The following PLSCR5 variants were observed in gnomAD, a reference collection of about 807,000 sequenced individuals.
The protein encoded by PLSCR5 is phospholipid scramblase family, member 5.
A neutral mutation model predicts 33.6 loss-of-function variants in PLSCR5; 44 were observed. The observed-to-expected ratio is 1.31, with a 90% confidence interval of 1.03 to 1.69. PLSCR5 has a LOEUF of 1.69. Among genes scored for constraint, PLSCR5 ranks in the 40% most tolerant of loss-of-function variants. The pLI is 0.00. For missense variants in PLSCR5, 375 were observed against 318.7 expected (o/e 1.18, Z -1.34); for synonymous variants, 148 against 112.3 (o/e 1.32, Z -2.01).
downstream of PLSCR5, among the ~76,000 whole-genome samples, chr3:146,583,272 A>T (rs1393042044): frequency 1.3e-5 from 2 of 152,320 alleles, no homozygotes; most frequent in Non-Finnish European, 1.5e-5. Flanking sequence ...CCACTGTAAG[A>T]GAAGGGTCTA....
intron 2 of PLSCR5, among the ~76,000 whole-genome samples, chr3:146,600,010 G>T (rs1048897603): frequency 1.3e-5 from 2 of 151,982 alleles, no homozygotes; most frequent in Non-Finnish European, 2.9e-5. Flanking sequence ...CTTGAACAAT[G>T]AACAAGTGGA....
At chr3:146,582,237 C>A (rs2044637049), downstream of PLSCR5, among the ~76,000 whole-genome samples, 1 of 152,212 alleles carries the variant, frequency 6.6e-6, no homozygotes, top group South Asian at 2.1e-4. Flanking sequence ...AATAAGGGAA[C>A]TTGCATAGGA....
At chr3:146,582,240 G>T (rs928097032), downstream of PLSCR5, among the ~76,000 whole-genome samples, 11 of 152,320 alleles carry the variant, frequency 7.2e-5, no homozygotes, top group East Asian at 2.1e-3. Flanking sequence ...AAGGGAACTT[G>T]CATAGGAGGG....
rs2044705963 is a variant in PLSCR5 at position 146,590,662 on chromosome 3, G to A, written c.616-848C>T. Among the ~76,000 whole-genome samples the A allele has an allele frequency of 2.0e-5, 3 of 152,174 alleles. No individual in the cohort carries two copies. The South Asian group carries it at 6.2e-4, about 32-fold the overall frequency. On this transcript the variant is annotated intron_variant, in intron 5 of 7. Transcript: ENST00000443512. The stretch of plus-strand genomic sequence containing the variant: ...ATAGCATGAATGCTAAAACTCTTAT[G>A]TTTAAAGTCCTCCTCAATCATATTA...
rs2044717421 is a variant in PLSCR5 at position 146,591,756 on chromosome 3, A to T, written c.579T>A (p.Cys193Ter). The T allele has an allele frequency of 5.6e-6, 9 of 1,611,840 alleles. No homozygotes were observed. The highest frequency in any genetic ancestry group is 7.6e-6 in the Non-Finnish European group (9 of 1,178,758). The change falls in exon 5 of 8, where the codon TGT becomes TGA. Residue 193 changes from cysteine to a stop codon, truncating the protein, a stop_gained. Transcript: ENST00000443512. LOFTEE classifies it high-confidence loss of function. ...CATCGCCAAAACAGCCACATGTCAC[A>T]CAAGGACCAACAATTTTCAAAATAT... Reference protein sequence around the residue: ...KEDILKIVGPCVTCGCFGDVD... With the variant: ...KEDILKIVGP
At chr3:146,589,624 T>A (rs1240085325) in intron 6 of PLSCR5, 29 bp downstream of exon 6, 12 of 1,492,416 alleles carry the variant, frequency 8.0e-6, no homozygotes, top group Middle Eastern at 1.8e-4. Flanking sequence ...GAATAACAAA[T>A]CACTCATGCT....
At chr3:146,588,641 T>C (rs1225179016) in intron 6 of PLSCR5, among the ~76,000 whole-genome samples, 3 of 152,120 alleles carry the variant, frequency 2.0e-5, no homozygotes, top group Non-Finnish European at 2.9e-5. Flanking sequence ...ATGGACATAC[T>C]TCATGATCTT....
rs200074355 is a variant in PLSCR5, at chr3:146,589,799, C to G, written c.631G>C (p.Glu211Gln). 6.7e-5 allele frequency: 103 copies of G among 1,543,922 alleles called. No individual in the cohort carries two copies. The highest frequency in any genetic ancestry group is 8.0e-5 in the Non-Finnish European group (90 of 1,131,984). The part of the protein sequence containing the change: ...DVDFEVKTIN[E>Q]KLTIGKISKY... Reference sequence around the variant, plus strand: ...GAAATCTTCCCAATTGTAAGCTTTTCATTAATGGTTTTCACCTTTAGAAAG... The same window carrying G: ...GAAATCTTCCCAATTGTAAGCTTTTGATTAATGGTTTTCACCTTTAGAAAG... The change falls in exon 6 of 8, where the codon GAA (glutamate) becomes CAA (glutamine). Residue 211 changes from glutamate (E) to glutamine (Q), a missense_variant. Glu to Gln is a conservative substitution (Grantham distance 29, BLOSUM62 2). Coordinates refer to ENST00000443512, the MANE Select transcript of PLSCR5 (RefSeq NM_001085420.2).
downstream of PLSCR5, among the ~76,000 whole-genome samples, chr3:146,583,445 A>G (rs1183006830): frequency 1.3e-5 from 2 of 152,208 alleles, no homozygotes; most frequent in Non-Finnish European, 2.9e-5. Context: ...GACAAGAGGC[A>G]GTAGTGCACT....
At chr3:146,584,301 A>G (rs1370282188), downstream of PLSCR5, among the ~76,000 whole-genome samples, 2 of 152,176 alleles carry the variant, frequency 1.3e-5, no homozygotes, top group Non-Finnish European at 2.9e-5. Flanking sequence ...TCATCACCAG[A>G]GTTCTTCAAG....
chr3:146,600,523 C>A, intron 1 of PLSCR5, 60 bp from the exon 2 acceptor site: 1 of 1,393,014 alleles, frequency 7.2e-7, no homozygotes, highest in Admixed American at 2.5e-5. Context: ...TTTAGTCCTT[C>A]TTAAAGTATT....
intron 6 of PLSCR5, among the ~76,000 whole-genome samples, chr3:146,587,609 A>C (rs1011091551): frequency 6.6e-6 from 1 of 152,082 alleles, no homozygotes; most frequent in Admixed American, 6.6e-5. Context: ...AAGGGTGACA[A>C]GTTAAAAGCA....
At chr3:146,590,997 G>GTTTTT (rs371124404) in intron 5 of PLSCR5, among the ~76,000 whole-genome samples, 6 of 141,898 alleles carry the variant, frequency 4.2e-5, no homozygotes, top group East Asian at 4.1e-4. Context: ...GTTTTTTTTT[G>GTTTTT]TTTTTTTTTT....
chr3:146,585,054 T>C (rs912523081), downstream of PLSCR5, among the ~76,000 whole-genome samples: 5 of 152,114 alleles, frequency 3.3e-5, no homozygotes, highest in African/African-American at 1.2e-4. Flanking sequence ...TTATTGTCAT[T>C]CATAACAAAT....
intron 2 of PLSCR5, among the ~76,000 whole-genome samples, chr3:146,599,917 G>C (rs1341357933): frequency 6.6e-6 from 1 of 151,866 alleles, no homozygotes; most frequent in Non-Finnish European, 1.5e-5. Flanking sequence ...ACATGCCATG[G>C]GCTCCCAAAA....
At chr3:146,588,581 A>ACC in intron 6 of PLSCR5, among the ~76,000 whole-genome samples, 1 of 151,882 alleles carries the variant, frequency 6.6e-6, no homozygotes. Flanking sequence ...ACACACACAC[A>ACC]CCCCTTAGGA....
chr3:146,602,545 A>G (rs2044827042), intron 1 of PLSCR5, among the ~76,000 whole-genome samples: 1 of 151,986 alleles, frequency 6.6e-6, no homozygotes, highest in Non-Finnish European at 1.5e-5. Flanking sequence ...GGTGGTCATG[A>G]ATGGGTCCTT....
At chr3:146,586,248 A>T (rs1383663120) in intron 6 of PLSCR5, 136 bp from the exon 7 acceptor site, 2 of 916,148 alleles carry the variant, frequency 2.2e-6, no homozygotes, top group Admixed American at 4.5e-5. Flanking sequence ...TTAACAGAAG[A>T]AGAAAAATTT....
downstream of PLSCR5, among the ~76,000 whole-genome samples, chr3:146,582,603 C>T (rs1050720097): frequency 3.3e-5 from 5 of 152,070 alleles, no homozygotes; most frequent in African/African-American, 4.8e-5. Context: ...CTTGGCATGT[C>T]GCCTTCTTGA....
Sources: gnomAD v4.1 joint callset for allele counts (sites outside exome capture counted in the v4.1 genomes callset) on GRCh38, gnomAD v4.1.1 for gene constraint, MANE v1.5 for transcripts, NCBI Gene and HGNC (gene_info 2026-07-23, HGNC 2026-07-21) for gene names.